SAA4: variants seen among roughly 807,000 people sequenced by gnomAD.
SAA4 encodes serum amyloid A4, constitutive, also known as serum amyloid A-4 protein.
In SAA4, 8 loss-of-function variants were observed where a neutral mutation model predicts 11.2. The ratio of observed to expected loss-of-function variants is 0.71; its 90% CI spans 0.42 to 1.29. The LOEUF is 1.29. Among genes scored for constraint, SAA4 ranks in the 50% most tolerant of loss-of-function variants. The pLI is 0.01. For synonymous variants in SAA4, 60 were observed against 56.2 expected, an observed-to-expected ratio of 1.07 and a Z score of -0.30; for missense variants, 171 against 164.2, an observed-to-expected ratio of 1.04 and a Z score of -0.23.
At position 18,231,576 on chromosome 11, in the gene SAA4, T is replaced by C. The variant is rs1207852258; in HGVS notation, c.319A>G (p.Lys107Glu). 1 of 1,614,176 alleles carries C rather than the reference T, an allele frequency of 6.2e-7. No homozygotes were observed. The highest frequency in any genetic ancestry group is 1.1e-5 in the South Asian group (1 of 91,072). Residue 107 changes from lysine (K) to glutamate (E), a missense_variant, in exon 4 of 4, where the codon AAA becomes GAA. Coordinates refer to ENST00000278222, the MANE Select transcript of SAA4 (RefSeq NM_006512.4). Reference sequence around the variant, plus strand: ...CCACTCCGGCCCCATTCCTCAGCTTTCTCGTTGGACTTCGAGTCCTCCAAT... The same window carrying C: ...CCACTCCGGCCCCATTCCTCAGCTTCCTCGTTGGACTTCGAGTCCTCCAAT... ...TVLEDSKSNE[K>E]AEEWGRSGKD...
intron 2 of SAA4, among the ~76,000 whole-genome samples, chr11:18,233,274 A>ACTAAATGAGAAG (rs1486467211): frequency 6.6e-6 from 1 of 152,096 alleles, no homozygotes; most frequent in East Asian, 1.9e-4. Flanking sequence ...AGTTGGGGGG[A>ACTAAATGAGAAG]ATCATACCTA....
At chr11:18,232,357 G>T in intron 3 of SAA4, 38 bp downstream of exon 3, 2 of 1,608,828 alleles carry the variant, frequency 1.2e-6, no homozygotes, top group Non-Finnish European at 1.7e-6. Flanking sequence ...GATAGGCACT[G>T]CTGGCCTCTC....
chr11:18,235,428 G>T (rs1857195316), intron 2 of SAA4, among the ~76,000 whole-genome samples: 1 of 152,136 alleles, frequency 6.6e-6, no homozygotes, highest in African/African-American at 2.4e-5. Flanking sequence ...ATTTGCTTGG[G>T]TACAGGATGG....
intron 2 of SAA4, among the ~76,000 whole-genome samples, chr11:18,233,678 ATTTT>A (rs34631292): frequency 7.1e-6 from 1 of 140,682 alleles, no homozygotes. Flanking sequence ...CACCCAGCTA[ATTTT>A]TTTTTTTTTT....
At chr11:18,231,705 C>G (rs1346776155) in intron 3 of SAA4, 41 bp from the exon 4 acceptor site, 7 of 1,572,914 alleles carry the variant, frequency 4.5e-6, no homozygotes, top group Non-Finnish European at 6.0e-6. Flanking sequence ...AATCTCTTGA[C>G]TCACCTGCTC....
Position 18,232,380 on chromosome 11 carries a change from G to A in SAA4, c.230+15C>T, listed in dbSNP as rs772272246. The A allele has an allele frequency of 6.8e-6, 11 of 1,613,042 alleles. No individual in the cohort carries two copies. The highest frequency in any genetic ancestry group is 5.5e-5 in the South Asian group (5 of 90,742). On this transcript the variant is annotated intron_variant, in intron 3 of 3. Transcript: ENST00000278222. ...CTGCTGGCCTCTCACTGGAGTCCCC[G>A]GGAATCTGTGTTACCTGATGAGTTT...
At chr11:18,236,638 A>G (rs1406926685) in intron 1 of SAA4, 79 bp downstream of exon 1, 1 of 152,234 alleles carries the variant, frequency 6.6e-6, no homozygotes, top group Non-Finnish European at 1.5e-5. Context: ...TTTCTCTCCA[A>G]TTGAAATTTG....
intron 2 of SAA4, among the ~76,000 whole-genome samples, chr11:18,234,615 GT>G (rs1489585582): frequency 6.6e-6 from 1 of 152,146 alleles, no homozygotes; most frequent in African/African-American, 2.4e-5. Context: ...GTGATAAATA[GT>G]TTTAATTGTT....
chr11:18,231,366 A>C lies in SAA4; in HGVS notation c.*136T>G. The C allele has an allele frequency of 7.5e-7, 1 of 1,336,850 alleles. No individual in the cohort carries two copies. Among genetic ancestry groups the C allele is most frequent in the Non-Finnish European group, 1.0e-6 (1 of 986,396 alleles). The allele number at this position is 1,336,850 out of a possible 1,614,324, so 82.8% of individuals were successfully genotyped here. A position where few individuals can be genotyped will look rare whatever the true frequency, so the allele number is the denominator to read the frequency against. ...TTTCCACCAACAAATTCAATTTGAC[A>C]AACATTTATTGAACACCTCTAGGTG... is the stretch of plus-strand genomic sequence containing the variant. On this transcript the variant is annotated 3_prime_UTR_variant, in exon 4 of 4. Coordinates refer to ENST00000278222, the MANE Select transcript of SAA4 (RefSeq NM_006512.4).
chr11:18,234,894 A>G (rs551697857), intron 2 of SAA4, among the ~76,000 whole-genome samples: 18 of 152,306 alleles, frequency 1.2e-4, no homozygotes, highest in Non-Finnish European at 2.4e-4. Context: ...TTCAAATGCT[A>G]TTCCTAGTCC....
intron 3 of SAA4, among the ~76,000 whole-genome samples, 198 bp downstream of exon 3, chr11:18,232,197 C>T (rs549708112): frequency 6.6e-6 from 1 of 152,302 alleles, no homozygotes; most frequent in Admixed American, 6.5e-5. Flanking sequence ...CAACAGTGTG[C>T]TTTCAAGACC....
chr11:18,235,105 GA>G (rs1857190565), intron 2 of SAA4, among the ~76,000 whole-genome samples: 1 of 152,052 alleles, frequency 6.6e-6, no homozygotes, highest in Admixed American at 6.5e-5. Context: ...ACTATTTATA[GA>G]ATATCATTTT....
intron 1 of SAA4, 123 bp from the exon 2 acceptor site, chr11:18,236,053 C>A: frequency 1.0e-6 from 1 of 967,582 alleles, no homozygotes; most frequent in South Asian, 1.8e-5. Context: ...TCCTTCCTTT[C>A]TTTCTTTCCT....
chr11:18,233,598 A>G (rs897076698), intron 2 of SAA4, among the ~76,000 whole-genome samples: 1 of 151,620 alleles, frequency 6.6e-6, no homozygotes, highest in African/African-American at 2.4e-5. Flanking sequence ...TGCAGCCTTG[A>G]TCTCCTGGGC....
At chr11:18,234,315 G>C (rs552905075) in intron 2 of SAA4, among the ~76,000 whole-genome samples, 2 of 152,344 alleles carry the variant, frequency 1.3e-5, no homozygotes, top group African/African-American at 4.8e-5. Context: ...AGACCCATCC[G>C]GGGTGTGTGA....
chr11:18,232,316 A>G, intron 3 of SAA4, 79 bp downstream of exon 3: 1 of 1,552,636 alleles, frequency 6.4e-7, no homozygotes. Flanking sequence ...AGGAGGGGAA[A>G]GAGCCACAGG....
At chr11:18,233,220 T>C (rs1282357220) in intron 2 of SAA4, among the ~76,000 whole-genome samples, 1 of 152,216 alleles carries the variant, frequency 6.6e-6, no homozygotes, top group African/African-American at 2.4e-5. Flanking sequence ...TGTAAATGTT[T>C]AACTCTCTGC....
chr11:18,231,935 T>G (rs2445145), intron 3 of SAA4, among the ~76,000 whole-genome samples: 60,814 of 142,260 alleles, frequency 0.43, 13,844 homozygotes, highest in East Asian at 0.85. Context: ...CAGGCTGGAG[T>G]GCAGTGGCTC....
At chr11:18,232,758 C>G (rs1857154872) in intron 2 of SAA4, among the ~76,000 whole-genome samples, 2 of 152,120 alleles carry the variant, frequency 1.3e-5, no homozygotes, top group South Asian at 4.1e-4. Flanking sequence ...GTTGTCATGC[C>G]CTGGGCTACA....
Sources: allele counts gnomAD v4.1 joint callset (sites outside exome capture counted in the v4.1 genomes callset), GRCh38; gene constraint gnomAD v4.1.1; transcripts MANE v1.5; gene names NCBI Gene and HGNC (gene_info 2026-07-23, HGNC 2026-07-21).